RPS6KC1: variants seen among roughly 807,000 people sequenced by gnomAD.
RPS6KC1 encodes the protein inactive ribosomal protein S6 kinase delta-1.
RPS6KC1 carries 54 observed loss-of-function variants against 103.8 expected under a neutral mutation model. The observed-to-expected ratio is 0.52, with a 90% CI of 0.42 to 0.65. RPS6KC1 has a LOEUF of 0.65. Among genes scored for constraint, RPS6KC1 ranks in the 30% least tolerant of loss-of-function variants. RPS6KC1 has a pLI of 0.00. For missense variants in RPS6KC1, 1,151 were observed against 1,253.8 expected, an observed-to-expected ratio of 0.92 and a Z score of 1.24; for synonymous variants, 439 against 438.7, an observed-to-expected ratio of 1.00 and a Z score of -0.01.
the RPS6KC1 span, among the ~76,000 whole-genome samples, chr1:213,697,013 G>A: frequency 1.3e-5 from 2 of 152,164 alleles, no homozygotes; most frequent in Admixed American, 1.3e-4. Flanking sequence ...ATAAACTGGG[G>A]GATCCCTGCG....
At chr1:213,115,539 G>A (rs534450491) in intron 4 of RPS6KC1, among the ~76,000 whole-genome samples, 1 of 151,862 alleles carries the variant, frequency 6.6e-6, no homozygotes, top group East Asian at 1.9e-4. Flanking sequence ...AGGGTTTTTT[G>A]TATCTCTATT....
At chr1:213,543,354 G>A in the RPS6KC1 span, among the ~76,000 whole-genome samples, 1 of 152,176 alleles carries the variant, frequency 6.6e-6, no homozygotes, top group Admixed American at 6.5e-5. Flanking sequence ...GAGGCAACAG[G>A]GGAGGAGGAG....
chr1:213,370,329 G>A, the RPS6KC1 span, among the ~76,000 whole-genome samples: 9 of 149,312 alleles, frequency 6.0e-5, no homozygotes, highest in Admixed American at 2.0e-4. Context: ...ACATCTTTAA[G>A]AACATGATTT....
At chr1:213,549,359 T>G in the RPS6KC1 span, among the ~76,000 whole-genome samples, 3 of 152,268 alleles carry the variant, frequency 2.0e-5, no homozygotes, top group Non-Finnish European at 4.4e-5. Context: ...TTAGCTGGAT[T>G]GTAAATTATT....
the RPS6KC1 span, among the ~76,000 whole-genome samples, chr1:213,280,993 G>T: frequency 6.6e-6 from 1 of 152,030 alleles, no homozygotes; most frequent in Admixed American, 6.6e-5. Context: ...CCAGTGGTGG[G>T]CAGGGATTCC....
the RPS6KC1 span, among the ~76,000 whole-genome samples, chr1:213,488,049 C>T: frequency 6.6e-6 from 1 of 152,150 alleles, no homozygotes; most frequent in Non-Finnish European, 1.5e-5. Flanking sequence ...GATTCCTTCC[C>T]TAGACCAGTT....
chr1:213,125,610 T>A (rs1402260707), intron 5 of RPS6KC1, among the ~76,000 whole-genome samples: 1 of 140,346 alleles, frequency 7.1e-6, no homozygotes, highest in Non-Finnish European at 1.5e-5. Flanking sequence ...TATATAAATT[T>A]CTCTTTTTTA....
the RPS6KC1 span, among the ~76,000 whole-genome samples, chr1:213,661,793 T>C: frequency 6.6e-6 from 1 of 152,354 alleles, no homozygotes; most frequent in African/African-American, 2.4e-5. Flanking sequence ...TTAAAACATT[T>C]AAACTTGCAA....
downstream of RPS6KC1, among the ~76,000 whole-genome samples, chr1:213,279,480 A>G (rs187043855): frequency 6.6e-6 from 1 of 152,328 alleles, no homozygotes; most frequent in East Asian, 1.9e-4. Context: ...ATTGGTTGAT[A>G]ATGATATTCA....
At chr1:213,844,241 C>T in the RPS6KC1 span, among the ~76,000 whole-genome samples, 3 of 152,124 alleles carry the variant, frequency 2.0e-5, no homozygotes, top group Non-Finnish European at 4.4e-5. Flanking sequence ...GTTCCTGGTG[C>T]ATTGCACAAT....
At chr1:213,260,651 T>G (rs1445487239) in intron 12 of RPS6KC1, among the ~76,000 whole-genome samples, 1 of 151,902 alleles carries the variant, frequency 6.6e-6, no homozygotes, top group Non-Finnish European at 1.5e-5. Flanking sequence ...GTAGGGTTTT[T>G]TTTTTTTTCA....
chr1:213,343,119 CAAG>C, the RPS6KC1 span, among the ~76,000 whole-genome samples: 2 of 150,306 alleles, frequency 1.3e-5, no homozygotes, highest in Non-Finnish European at 3.0e-5. Flanking sequence ...AGAAATCAAA[CAAG>C]AAGAAATGAT....
chr1:213,702,389 G>A, the RPS6KC1 span, among the ~76,000 whole-genome samples: 3 of 151,954 alleles, frequency 2.0e-5, no homozygotes, highest in Admixed American at 6.6e-5. Flanking sequence ...TTTATATTCT[G>A]TAGCTGTTGG....
chr1:213,519,463 G>A, the RPS6KC1 span, among the ~76,000 whole-genome samples: 3 of 152,212 alleles, frequency 2.0e-5, no homozygotes, highest in Non-Finnish European at 4.4e-5. Flanking sequence ...ACCAGAATGA[G>A]TGCGTAGATG....
At chr1:213,283,612 TG>T in the RPS6KC1 span, among the ~76,000 whole-genome samples, 1 of 152,082 alleles carries the variant, frequency 6.6e-6, no homozygotes, top group African/African-American at 2.4e-5. Flanking sequence ...CTCTAACACC[TG>T]GTAAGTGCTA....
At chr1:213,589,283 G>A in the RPS6KC1 span, among the ~76,000 whole-genome samples, 1 of 152,162 alleles carries the variant, frequency 6.6e-6, no homozygotes, top group Admixed American at 6.5e-5. Flanking sequence ...GATGGACCTA[G>A]GAAGAAGGTT....
Position 213,242,611 on chromosome 1 carries a change from A to T in RPS6KC1, c.2864A>T (p.Glu955Val), listed in dbSNP as rs377432736. 1.3e-6 allele frequency: 2 copies of T among 1,595,512 alleles called. No individual in the cohort carries two copies. Among genetic ancestry groups the T allele is most frequent in the Non-Finnish European group, 8.6e-7 (1 of 1,169,548 alleles). ...TATTTTAGCAGGTGGAGTGAGGTTGAAGATTCCTGTGACAGCGATGCCATA... is the reference window on the plus strand; with the variant it reads ...TATTTTAGCAGGTGGAGTGAGGTTGTAGATTCCTGTGACAGCGATGCCATA... ...LTYFSRWSEVEDSCDSDAIER... is the reference protein window; with the variant it reads ...LTYFSRWSEVVDSCDSDAIER... The change falls in exon 12 of 15, where the codon GAA becomes GTA. Residue 955 changes from glutamate (E) to valine (V), a missense_variant. Glu to Val is a moderately radical substitution (Grantham distance 121). Around this residue, in one of 3 missense-constraint regions of RPS6KC1, gnomAD observed 189 missense variants for 228.8 expected, o/e 0.83. Coordinates refer to ENST00000366960, the MANE Select transcript of RPS6KC1 (RefSeq NM_012424.6).
At chr1:213,731,609 C>A in the RPS6KC1 span, 1 of 152,130 alleles carries the variant, frequency 6.6e-6, no homozygotes, top group Non-Finnish European at 1.5e-5. Context: ...TAGTTTTTAA[C>A]CCAACACTTC....
the RPS6KC1 span, among the ~76,000 whole-genome samples, chr1:213,527,891 A>G: frequency 3.3e-5 from 5 of 152,192 alleles, no homozygotes; most frequent in Non-Finnish European, 7.3e-5. Flanking sequence ...ATGCTCTTAT[A>G]ATAAAGTAAG....
Sources: gnomAD v4.1 joint callset for allele counts (sites outside exome capture counted in the v4.1 genomes callset) on GRCh38, gnomAD v4.1.1 for gene constraint, gnomAD v4.1.1 regional missense constraint, MANE v1.5 for transcripts, NCBI Gene and HGNC (gene_info 2026-07-23, HGNC 2026-07-21) for gene names.